Variants in STXBP6 observed in about 807,000 individuals in gnomAD.
STXBP6 encodes syntaxin binding protein 6, also known as syntaxin-binding protein 6.
STXBP6 carries 21 observed loss-of-function variants against 26.9 expected under a neutral mutation model. The observed-to-expected ratio is 0.78, with a 90% CI of 0.55 to 1.12. The LOEUF (loss-of-function observed/expected upper bound fraction) is 1.12, where lower values mean the gene tolerates loss of function less well. Ranked by LOEUF, STXBP6 falls within the 50% of genes most tolerant of loss-of-function variation. STXBP6 has a pLI of 0.00. For missense variants in STXBP6, 232 were observed against 257.9 expected, an observed-to-expected ratio of 0.90 and a Z score of 0.69; for synonymous variants, 97 against 92.6, an observed-to-expected ratio of 1.05 and a Z score of -0.27.
intron 1 of STXBP6, among the ~76,000 whole-genome samples, chr14:25,010,951 A>G (rs1444007900): frequency 1.3e-5 from 2 of 152,202 alleles, no homozygotes; most frequent in African/African-American, 2.4e-5. Context: ...AACAAAGTCA[A>G]TGAGATGACT....
chr14:24,818,893 AG>A, intron 5 of STXBP6, 143 bp downstream of exon 5: 1 of 1,107,986 alleles, frequency 9.0e-7, no homozygotes, highest in Non-Finnish European at 1.2e-6. Flanking sequence ...TCAGGTGTTT[AG>A]TAAGTAGCAG....
chr14:24,837,627 C>T (rs7153896), intron 4 of STXBP6, among the ~76,000 whole-genome samples: 6,640 of 152,250 alleles, frequency 0.044, 490 homozygotes, highest in African/African-American at 0.15. Context: ...ACATCCCAGT[C>T]AAGTTAGAGC....
At position 24,834,776 on chromosome 14, in the gene STXBP6, C is replaced by T. The variant is rs531369433; in HGVS notation, c.452-15582G>A. Among the ~76,000 whole-genome samples the T allele has an allele frequency of 2.4e-4, 36 of 152,166 alleles. 1 individual carries two copies. Among genetic ancestry groups the T allele is most frequent in the African/African-American group, 7.9e-4 (33 of 41,518 alleles). The stretch of plus-strand genomic sequence containing the variant: ...AGTTTTAAGAGACACTGAGGGAGAC[C>T]TGTGGGGGAGAAGGGCTTGGTAGAG... On this transcript the variant is annotated intron_variant, in intron 4 of 5. Transcript: ENST00000323944.
chr14:25,001,278 T>C (rs1029492476), intron 1 of STXBP6, among the ~76,000 whole-genome samples: 6 of 152,196 alleles, frequency 3.9e-5, no homozygotes, highest in Non-Finnish European at 7.4e-5. Flanking sequence ...ATCTAATGCA[T>C]AAGACTCACA....
At chr14:24,924,695 G>A (rs961874150) in intron 2 of STXBP6, among the ~76,000 whole-genome samples, 1 of 152,096 alleles carries the variant, frequency 6.6e-6, no homozygotes, top group African/African-American at 2.4e-5. Flanking sequence ...ATTCACCATT[G>A]TGCTGGTGCT....
intron 1 of STXBP6, among the ~76,000 whole-genome samples, chr14:24,992,611 G>A (rs562084068): frequency 1.5e-4 from 23 of 152,302 alleles, no homozygotes; most frequent in African/African-American, 4.6e-4. Context: ...ATGAATGGAC[G>A]TCACTGCGTT....
intron 2 of STXBP6, among the ~76,000 whole-genome samples, chr14:24,932,671 G>A (rs544692025): frequency 3.3e-5 from 5 of 152,300 alleles, no homozygotes; most frequent in South Asian, 2.1e-4. Flanking sequence ...GCTTGGAATC[G>A]TGTAGTAGCA....
intron 1 of STXBP6, among the ~76,000 whole-genome samples, chr14:25,033,872 T>C (rs1408199053): frequency 6.6e-6 from 1 of 152,154 alleles, no homozygotes; most frequent in Non-Finnish European, 1.5e-5. Flanking sequence ...GCTGAATGAA[T>C]GAAAAGACAG....
At chr14:24,856,214 T>C (rs886770296) in intron 3 of STXBP6, 113 bp from the exon 4 acceptor site, 2 of 1,077,124 alleles carry the variant, frequency 1.9e-6, no homozygotes, top group Non-Finnish European at 1.3e-6. Context: ...ATCGCAATCA[T>C]AAGGCTCATC....
At chr14:24,856,822 GT>G (rs1238647429) in intron 3 of STXBP6, among the ~76,000 whole-genome samples, 1 of 151,778 alleles carries the variant, frequency 6.6e-6, no homozygotes, top group African/African-American at 2.4e-5. Flanking sequence ...TATGCATTCT[GT>G]TAGATTCCTC....
chr14:25,006,432 T>C (rs971939336), intron 1 of STXBP6, among the ~76,000 whole-genome samples: 2 of 152,222 alleles, frequency 1.3e-5, no homozygotes, highest in Non-Finnish European at 2.9e-5. Context: ...TACATACATA[T>C]ATAAAAAAAC....
At chr14:24,964,495 T>C (rs2073663673) in intron 2 of STXBP6, among the ~76,000 whole-genome samples, 1 of 152,206 alleles carries the variant, frequency 6.6e-6, no homozygotes. Context: ...TCCCTGTCTC[T>C]TCTTCATGGA....
chr14:24,889,439 T>C (rs2070711817), intron 2 of STXBP6, among the ~76,000 whole-genome samples: 3 of 134,982 alleles, frequency 2.2e-5, no homozygotes. Flanking sequence ...GGGGGAGGGA[T>C]AGCATTAGGA....
intron 2 of STXBP6, among the ~76,000 whole-genome samples, chr14:24,957,315 G>A (rs1348616466): frequency 6.6e-6 from 1 of 152,110 alleles, no homozygotes; most frequent in Non-Finnish European, 1.5e-5. Flanking sequence ...AACTCTATTG[G>A]TTTGCCCTTT....
At chr14:25,005,921 T>G (rs187429801) in intron 1 of STXBP6, among the ~76,000 whole-genome samples, 2 of 152,230 alleles carry the variant, frequency 1.3e-5, no homozygotes, top group African/African-American at 4.8e-5. Flanking sequence ...GGCCTAACAT[T>G]AACATCCTGT....
At chr14:24,842,697 G>A (rs2068820508) in intron 4 of STXBP6, among the ~76,000 whole-genome samples, 1 of 151,622 alleles carries the variant, frequency 6.6e-6, no homozygotes, top group Admixed American at 6.6e-5. Flanking sequence ...AGGAAAAGAT[G>A]ATTATGCCTT....
chr14:24,870,848 G>A (rs751202551), intron 2 of STXBP6, among the ~76,000 whole-genome samples: 12 of 152,050 alleles, frequency 7.9e-5, no homozygotes, highest in Non-Finnish European at 1.5e-4. Flanking sequence ...TAAGTAGAAT[G>A]GTTTAAAAAT....
intron 1 of STXBP6, among the ~76,000 whole-genome samples, chr14:24,996,298 T>C (rs1431168349): frequency 6.6e-6 from 1 of 152,204 alleles, no homozygotes; most frequent in Non-Finnish European, 1.5e-5. Flanking sequence ...GAGTAGATCA[T>C]AACGTTTTGT....
At chr14:25,020,548 C>A (rs1003752951) in intron 1 of STXBP6, among the ~76,000 whole-genome samples, 1 of 152,182 alleles carries the variant, frequency 6.6e-6, no homozygotes, top group Non-Finnish European at 1.5e-5. Flanking sequence ...CCTATCGAAA[C>A]TCTGGTTTCT....
Sources: gnomAD v4.1 joint callset for allele counts (sites outside exome capture counted in the v4.1 genomes callset) on GRCh38, gnomAD v4.1.1 for gene constraint, MANE v1.5 for transcripts, NCBI Gene and HGNC (gene_info 2026-07-23, HGNC 2026-07-21) for gene names.